Variants in POFUT3 observed in about 807,000 individuals in gnomAD.
POFUT3 encodes the protein protein O-fucosyltransferase 3.
At chr8:33,406,708 G>A in the POFUT3 span, among the ~76,000 whole-genome samples, 5 of 152,116 alleles carry the variant, frequency 3.3e-5, no homozygotes, top group Admixed American at 3.3e-4. Context: ...TGGAACTGCA[G>A]GTATGCACCA....
chr8:33,441,075 A>C, the POFUT3 span, among the ~76,000 whole-genome samples: 3 of 152,130 alleles, frequency 2.0e-5, no homozygotes, highest in Admixed American at 2.0e-4. Flanking sequence ...TCACGCCTGT[A>C]ATCCCAGCAC....
At chr8:33,322,934 T>A in the POFUT3 span, among the ~76,000 whole-genome samples, 3 of 152,048 alleles carry the variant, frequency 2.0e-5, no homozygotes, top group African/African-American at 7.2e-5. Flanking sequence ...GTTTTCCCAA[T>A]AAGTGGAGCT....
the POFUT3 span, among the ~76,000 whole-genome samples, chr8:33,333,509 A>C: frequency 6.6e-6 from 1 of 152,218 alleles, no homozygotes; most frequent in Admixed American, 6.5e-5. Flanking sequence ...TCATATAATG[A>C]AGGGGCTTAA....
chr8:33,435,867 C>T, the POFUT3 span, among the ~76,000 whole-genome samples: 1 of 151,454 alleles, frequency 6.6e-6, no homozygotes, highest in Non-Finnish European at 1.5e-5. Context: ...GTTGAAAAAC[C>T]ATTTATCTCA....
chr8:33,342,136 C>G, the POFUT3 span, among the ~76,000 whole-genome samples: 8 of 152,120 alleles, frequency 5.3e-5, no homozygotes, highest in African/African-American at 1.9e-4. Context: ...GCTGAGATCA[C>G]ACCACTGCAA....
chr8:33,459,210 G>A, the POFUT3 span, among the ~76,000 whole-genome samples: 1 of 151,964 alleles, frequency 6.6e-6, no homozygotes, highest in Non-Finnish European at 1.5e-5. Flanking sequence ...CATGGTGGCA[G>A]GCACCTGTAA....
chr8:33,461,602 A>C, the POFUT3 span: 1 of 1,535,514 alleles, frequency 6.5e-7, no homozygotes, highest in Non-Finnish European at 8.7e-7. Context: ...GTCTCCATGA[A>C]GGACTGAGAT....
chr8:33,444,871 T>G, the POFUT3 span, among the ~76,000 whole-genome samples: 57 of 151,398 alleles, frequency 3.8e-4, no homozygotes, highest in East Asian at 8.7e-3. Context: ...ATGTCTATTT[T>G]AAACAAGGTA....
At chr8:33,436,889 G>A in the POFUT3 span, among the ~76,000 whole-genome samples, 1 of 152,126 alleles carries the variant, frequency 6.6e-6, no homozygotes, top group Non-Finnish European at 1.5e-5. Context: ...GTACCCAACA[G>A]CTTTTCAACC....
chr8:33,415,289 C>A, the POFUT3 span, among the ~76,000 whole-genome samples: 1 of 151,888 alleles, frequency 6.6e-6, no homozygotes, highest in Non-Finnish European at 1.5e-5. Flanking sequence ...AATAAATAAA[C>A]AAATCTACAA....
chr8:33,370,169 TAA>T, the POFUT3 span, among the ~76,000 whole-genome samples: 21 of 39,890 alleles, frequency 5.3e-4, 1 homozygote, highest in African/African-American at 1.1e-3. Context: ...CCATCTTTAC[TAA>T]AAAAAAAAAA....
chr8:33,331,196 A>AC, the POFUT3 span, among the ~76,000 whole-genome samples: 1 of 110,700 alleles, frequency 9.0e-6, no homozygotes, highest in Non-Finnish European at 1.9e-5. Context: ...CAAAAAATTA[A>AC]CCGGGCGCGC....
At chr8:33,380,476 T>C in the POFUT3 span, among the ~76,000 whole-genome samples, 2 of 151,442 alleles carry the variant, frequency 1.3e-5, no homozygotes, top group Non-Finnish European at 2.9e-5. Flanking sequence ...GGATGGTTTA[T>C]ATGTAGAAAA....
chr8:33,320,516 A>C, the POFUT3 span, among the ~76,000 whole-genome samples: 2 of 152,080 alleles, frequency 1.3e-5, no homozygotes, highest in African/African-American at 4.8e-5. Flanking sequence ...AAACTACTCC[A>C]AAACTCAGTG....
the POFUT3 span, among the ~76,000 whole-genome samples, chr8:33,406,032 C>G: frequency 6.6e-6 from 1 of 152,094 alleles, no homozygotes; most frequent in Non-Finnish European, 1.5e-5. Flanking sequence ...AACACAGCAA[C>G]TCAAATTTCT....
the POFUT3 span, among the ~76,000 whole-genome samples, chr8:33,437,565 C>T: frequency 6.6e-6 from 1 of 152,266 alleles, no homozygotes; most frequent in Admixed American, 6.5e-5. Flanking sequence ...AATCCCAGCA[C>T]TGTGGGAGGC....
At chr8:33,438,471 G>A in the POFUT3 span, among the ~76,000 whole-genome samples, 1 of 152,100 alleles carries the variant, frequency 6.6e-6, no homozygotes, top group Non-Finnish European at 1.5e-5. Flanking sequence ...CCCAGGCATG[G>A]ACCACTCAGG....
chr8:33,469,260 CG>C, the POFUT3 span, among the ~76,000 whole-genome samples: 1 of 152,102 alleles, frequency 6.6e-6, no homozygotes, highest in Non-Finnish European at 1.5e-5. Flanking sequence ...GAGCCGAGAT[CG>C]CGCCACTGCA....
At chr8:33,372,577 T>G in the POFUT3 span, 1 of 1,612,378 alleles carries the variant, frequency 6.2e-7, no homozygotes. Flanking sequence ...ATTTTTGAAA[T>G]CAGTCCTTGA....
Sources: allele counts gnomAD v4.1 joint callset (sites outside exome capture counted in the v4.1 genomes callset), GRCh38; gene constraint gnomAD v4.1.1; transcripts MANE v1.5; gene names NCBI Gene and HGNC (gene_info 2026-07-23, HGNC 2026-07-21).